AK2: variants seen among roughly 807,000 people sequenced by gnomAD.
AK2 encodes the protein adenylate kinase 2, mitochondrial.
A neutral mutation model predicts 24.6 loss-of-function variants in AK2; 15 were observed. The ratio of observed to expected loss-of-function variants is 0.61; its 90% CI spans 0.41 to 0.94. AK2 has a LOEUF of 0.94. AK2 is among the 40% of genes least tolerant of loss of function. The pLI, the probability that AK2 is intolerant of heterozygous loss-of-function variation, is 0.00. For missense variants in AK2, 257 were observed against 304.1 expected, an observed-to-expected ratio of 0.85 and a Z score of 1.15; for synonymous variants, 102 against 114.0, an observed-to-expected ratio of 0.90 and a Z score of 0.67.
In AK2 at chr1:33,010,830, T is replaced by C; in HGVS notation, c.*2351A>G. The C allele has an allele frequency of 6.2e-7, 1 of 1,612,924 alleles. No homozygotes were observed. Among genetic ancestry groups the C allele is most frequent in the Non-Finnish European group, 8.5e-7 (1 of 1,179,366 alleles). Reference sequence around the variant, plus strand: ...GCAGTCTCGCCTGGCCTTCTGATACTAGGCTGAAATAGAGAGGAAACAAGA... The same window carrying C: ...GCAGTCTCGCCTGGCCTTCTGATACCAGGCTGAAATAGAGAGGAAACAAGA... On this transcript the variant is annotated 3_prime_UTR_variant, in exon 6 of 6. Coordinates refer to ENST00000672715, the MANE Select transcript of AK2 (RefSeq NM_001625.4).
At chr1:33,014,345 G>A (rs1639038320) in intron 5 of AK2, 177 bp downstream of exon 5, 6 of 579,156 alleles carry the variant, frequency 1.0e-5, no homozygotes, top group Non-Finnish European at 1.6e-5. Context: ...ACCACCTGAG[G>A]AGACACTGAA....
chr1:33,020,224 C>CACGT, intron 4 of AK2: 1 of 924,564 alleles, frequency 1.1e-6, no homozygotes, highest in Non-Finnish European at 1.6e-6. Context: ...CACACACACA[C>CACGT]ACACAAAGTG....
rs1201308611 is a variant in AK2, at chr1:33,012,418, G to A, written c.*763C>T. 6.7e-7 allele frequency: 1 copy of A among 1,484,638 alleles called. No homozygotes were observed. The highest frequency in any genetic ancestry group is 2.0e-5 in the Admixed American group (1 of 49,510). 92.0% of individuals were successfully genotyped at this position (1,484,638 alleles called of 1,614,324 possible). On this transcript the variant is annotated 3_prime_UTR_variant, in exon 6 of 6. Transcript: ENST00000672715. Reference sequence around the variant, plus strand: ...TTCATCATGGGTTAGAAAACAAAATGGAATTCTCTGTCCATAATGTGCCAT... The same window carrying A: ...TTCATCATGGGTTAGAAAACAAAATAGAATTCTCTGTCCATAATGTGCCAT...
chr1:33,013,652 G>A (rs1033833849), intron 5 of AK2, among the ~76,000 whole-genome samples: 1 of 152,194 alleles, frequency 6.6e-6, no homozygotes, highest in African/African-American at 2.4e-5. Context: ...AGGGGCTCAT[G>A]AGGGGAAGAT....
chr1:33,021,270 T>C (rs1265170245), intron 4 of AK2, 97 bp downstream of exon 4: 9 of 1,038,808 alleles, frequency 8.7e-6, no homozygotes, highest in Admixed American at 8.5e-5. Context: ...CATGTTGAAA[T>C]GGCACTAAGC....
intron 1 of AK2, among the ~76,000 whole-genome samples, chr1:33,028,577 C>T (rs547246533): frequency 2.0e-5 from 3 of 152,110 alleles, no homozygotes; most frequent in East Asian, 3.9e-4. Flanking sequence ...GCAAGCTTCC[C>T]GGCCTGGATG....
Position 33,008,086 on chromosome 1 carries a change from C to T in AK2, c.*5095G>A, listed in dbSNP as rs1188284661. 2.2e-6 allele frequency: 1 copy of T among 453,948 alleles called. No individual in the cohort carries two copies. Among genetic ancestry groups the T allele is most frequent in the Non-Finnish European group, 4.4e-6 (1 of 226,808 alleles). 28.1% of individuals were successfully genotyped at this position (453,948 alleles called of 1,614,324 possible). On this transcript the variant is annotated 3_prime_UTR_variant, in exon 6 of 6. Transcript: ENST00000672715. Reference sequence around the variant, plus strand: ...AGAGGTCTATGATTTCTAGGGGATCCTTAGCCTGGTTCCGGATGGTCAGTA... The same window carrying T: ...AGAGGTCTATGATTTCTAGGGGATCTTTAGCCTGGTTCCGGATGGTCAGTA...
intron 1 of AK2, among the ~76,000 whole-genome samples, chr1:33,025,187 T>C (rs1337763057): frequency 4.2e-5 from 2 of 48,184 alleles, no homozygotes; most frequent in South Asian, 7.4e-4. Flanking sequence ...AGACTTCGTC[T>C]CAAAAAAAAA....
At position 33,013,369 on chromosome 1, in the gene AK2, C is replaced by T. The variant is rs1000645415; in HGVS notation, c.532G>A (p.Asp178Asn). The change falls in exon 6 of 6, where the codon GAT (aspartate) becomes AAT (asparagine). Residue 178 changes from aspartate (D) to asparagine (N), a missense_variant. Coordinates refer to ENST00000672715, the MANE Select transcript of AK2 (RefSeq NM_001625.4). ...CGGATTTTCAAGGCCTTTTCATTAT[C>T]ATCTGATCGACGGATCAAGGGTTCC... ...TGEPLIRRSD[D>N]NEKALKIRLQ... 29 of 1,614,198 alleles carry T rather than the reference C, an allele frequency of 1.8e-5. No individual in the cohort carries two copies. Among genetic ancestry groups the T allele is most frequent in the Non-Finnish European group, 2.5e-5 (29 of 1,180,028 alleles).
chr1:33,034,716 C>T (rs1640473472), intron 1 of AK2, among the ~76,000 whole-genome samples: 1 of 152,062 alleles, frequency 6.6e-6, no homozygotes, highest in Non-Finnish European at 1.5e-5. Context: ...ATAGGTTGTC[C>T]ATTCCATAAT....
rs184683619 is a variant in AK2, at chr1:33,021,676, T to C, written c.247A>G (p.Ile83Val). The change falls in exon 3 of 6, where the codon ATT (isoleucine) becomes GTT (valine). Residue 83 changes from isoleucine (I) to valine (V), a missense_variant. Physicochemically the swap from Ile to Val is conservative, Grantham distance 29. Coordinates refer to ENST00000672715, the MANE Select transcript of AK2 (RefSeq NM_001625.4). ...LVSDEMVVEL[I>V]EKNLETPLCK... ...AAGGGGGTCTCCAAATTCTTCTCAA[T>C]GAGCTCCACTACCATTTCATCACTC... is the stretch of plus-strand genomic sequence containing the variant. 5.7e-4 allele frequency: 914 copies of C among 1,613,880 alleles called. 1 individual carries two copies. Among genetic ancestry groups the C allele is most frequent in the Middle Eastern group, 1.2e-3 (7 of 6,062 alleles).
intron 5 of AK2, chr1:33,014,220 A>AT (rs1557612890): frequency 5.6e-6 from 2 of 359,628 alleles, no homozygotes; most frequent in African/African-American, 4.3e-5. Context: ...TGATTAGCTG[A>AT]TCACTTAGGT....
chr1:33,024,103 G>A, intron 2 of AK2: 1 of 309,316 alleles, frequency 3.2e-6, no homozygotes, highest in South Asian at 2.8e-5. Flanking sequence ...CCCAGGAGGT[G>A]GAGGTTGCAG....
chr1:33,034,704 G>A (rs1008589356), intron 1 of AK2, among the ~76,000 whole-genome samples: 2 of 152,118 alleles, frequency 1.3e-5, no homozygotes, highest in African/African-American at 4.8e-5. Context: ...TACTATACTA[G>A]TATAGGTTGT....
At chr1:33,021,513 T>C (rs374484447) in intron 3 of AK2, 52 bp from the exon 4 acceptor site, 207 of 1,605,614 alleles carry the variant, frequency 1.3e-4, no homozygotes, top group Non-Finnish European at 1.7e-4. Context: ...GTTAGACCCA[T>C]CTCCTTCAAA....
chr1:33,035,076 C>A (rs1557638089), intron 1 of AK2, among the ~76,000 whole-genome samples: 1 of 152,092 alleles, frequency 6.6e-6, no homozygotes, highest in Non-Finnish European at 1.5e-5. Flanking sequence ...ACTGTTTATA[C>A]TTGATCACTC....
At chr1:33,023,857 C>A (rs1293608938) in intron 2 of AK2, among the ~76,000 whole-genome samples, 1 of 152,122 alleles carries the variant, frequency 6.6e-6, no homozygotes, top group African/African-American at 2.4e-5. Context: ...TCAGAACAAA[C>A]AAAATAACTT....
At chr1:33,028,922 G>T (rs1405046341) in intron 1 of AK2, among the ~76,000 whole-genome samples, 1 of 152,170 alleles carries the variant, frequency 6.6e-6, no homozygotes, top group Non-Finnish European at 1.5e-5. Context: ...TGATGTAGTG[G>T]CAGAGACTGG....
intron 5 of AK2, 146 bp from the exon 6 acceptor site, chr1:33,013,548 G>C (rs1638985787): frequency 1.4e-6 from 2 of 1,444,336 alleles, no homozygotes; most frequent in Admixed American, 4.1e-5. Context: ...AGGCAATCCA[G>C]ACCCTCTCCA....
Sources: allele counts gnomAD v4.1 joint callset (sites outside exome capture counted in the v4.1 genomes callset), GRCh38; gene constraint gnomAD v4.1.1; transcripts MANE v1.5; gene names NCBI Gene and HGNC (gene_info 2026-07-23, HGNC 2026-07-21).